OTUD7A: variants seen among roughly 807,000 people sequenced by gnomAD.
The protein encoded by OTUD7A is OTU domain-containing protein 7A.
In OTUD7A, 12 loss-of-function variants were observed where a neutral mutation model predicts 65.7. The observed-to-expected ratio is 0.18, with a 90% CI of 0.12 to 0.30. The LOEUF is 0.30. Among genes scored for constraint, OTUD7A ranks in the 10% least tolerant of loss-of-function variants. The pLI is 1.00. For synonymous variants in OTUD7A, 641 were observed against 586.3 expected, an observed-to-expected ratio of 1.09 and a Z score of -1.35; for missense variants, 1,148 against 1,304.8, an observed-to-expected ratio of 0.88 and a Z score of 1.85.
intron 1 of OTUD7A, among the ~76,000 whole-genome samples, chr15:31,727,457 A>C (rs1221407649): frequency 6.6e-6 from 1 of 152,196 alleles, no homozygotes; most frequent in Non-Finnish European, 1.5e-5. Flanking sequence ...TTTAGTATTC[A>C]ATAGGTATTT....
chr15:31,646,879 T>A (rs540218248), intron 3 of OTUD7A, among the ~76,000 whole-genome samples: 39 of 152,284 alleles, frequency 2.6e-4, no homozygotes, highest in Non-Finnish European at 5.0e-4. Flanking sequence ...AAGATCTACT[T>A]AATTGATCAG....
intron 10 of OTUD7A, among the ~76,000 whole-genome samples, chr15:31,488,825 C>A (rs2041277067): frequency 6.6e-6 from 1 of 152,244 alleles, no homozygotes; most frequent in African/African-American, 2.4e-5. Context: ...CCCCGCACCT[C>A]TTCTTCTCCA....
intron 1 of OTUD7A, among the ~76,000 whole-genome samples, chr15:31,790,474 T>C (rs1331675783): frequency 1.3e-5 from 2 of 152,090 alleles, no homozygotes; most frequent in African/African-American, 4.8e-5. Flanking sequence ...AATTGCTTTA[T>C]CAAGAGACAG....
At chr15:31,703,409 CA>C in intron 1 of OTUD7A, among the ~76,000 whole-genome samples, 1 of 151,130 alleles carries the variant, frequency 6.6e-6, no homozygotes, top group South Asian at 2.1e-4. Context: ...AGAAAATTGG[CA>C]AAAAAACCAC....
intron 1 of OTUD7A, among the ~76,000 whole-genome samples, chr15:31,826,042 T>C (rs12443151): frequency 0.94 from 142,498 of 152,260 alleles, 67,405 homozygotes; most frequent in East Asian, 1. Flanking sequence ...GTGTCTGTGG[T>C]TTCTCCAGGC....
At chr15:31,610,777 A>AG (rs1890394324) in intron 3 of OTUD7A, among the ~76,000 whole-genome samples, 1 of 151,076 alleles carries the variant, frequency 6.6e-6, no homozygotes, top group Admixed American at 6.6e-5. Flanking sequence ...GCCCGCCACC[A>AG]CGCCTGGCTA....
chr15:31,855,883 T>C (rs1050086416), intron 1 of OTUD7A, among the ~76,000 whole-genome samples: 2 of 152,214 alleles, frequency 1.3e-5, no homozygotes, highest in Admixed American at 6.5e-5. Flanking sequence ...ATGGAGGCTA[T>C]AGTTGCTCCC....
At chr15:31,848,531 A>T (rs1033956524) in intron 1 of OTUD7A, among the ~76,000 whole-genome samples, 1 of 152,106 alleles carries the variant, frequency 6.6e-6, no homozygotes, top group African/African-American at 2.4e-5. Flanking sequence ...GCTCCAGAAC[A>T]TCCCAGCCAT....
chr15:31,825,979 G>C (rs1055956322), intron 1 of OTUD7A, among the ~76,000 whole-genome samples: 8 of 152,224 alleles, frequency 5.3e-5, no homozygotes, highest in African/African-American at 1.9e-4. Context: ...CTCCGCCCCT[G>C]TGGCTTTGCA....
intron 1 of OTUD7A, among the ~76,000 whole-genome samples, chr15:31,828,428 G>C: frequency 6.6e-6 from 1 of 152,134 alleles, no homozygotes; most frequent in South Asian, 2.1e-4. Context: ...ATTAGCATAC[G>C]CATCAAACAT....
chr15:31,603,205 A>G (rs1040503614), intron 3 of OTUD7A, among the ~76,000 whole-genome samples: 17 of 152,218 alleles, frequency 1.1e-4, no homozygotes, highest in African/African-American at 4.1e-4. Context: ...CTACAAGGCT[A>G]CAATAACCAA....
At chr15:31,642,935 CTTT>C (rs564017250) in intron 3 of OTUD7A, among the ~76,000 whole-genome samples, 1 of 150,796 alleles carries the variant, frequency 6.6e-6, no homozygotes, top group African/African-American at 2.4e-5. Context: ...TTAATTTGCT[CTTT>C]TTTTTTCTAG....
At chr15:31,694,369 C>T (rs1234241159) in intron 1 of OTUD7A, among the ~76,000 whole-genome samples, 3 of 152,202 alleles carry the variant, frequency 2.0e-5, no homozygotes, top group Admixed American at 6.5e-5. Context: ...CCTGTCATAA[C>T]ACCCCTCCAC....
intron 8 of OTUD7A, among the ~76,000 whole-genome samples, chr15:31,519,423 G>T (rs531701517): frequency 5.3e-5 from 8 of 152,240 alleles, no homozygotes; most frequent in Admixed American, 1.3e-4. Context: ...TTTTGTCAAG[G>T]ATTTCTGCAT....
chr15:31,675,194 C>T (rs34127111), intron 1 of OTUD7A, among the ~76,000 whole-genome samples: 2 of 151,968 alleles, frequency 1.3e-5, no homozygotes, highest in Non-Finnish European at 2.9e-5. Flanking sequence ...CAGAAAAAGA[C>T]ATAAAGAGAC....
chr15:31,574,013 T>C (rs1317662113), intron 3 of OTUD7A, among the ~76,000 whole-genome samples: 3 of 152,062 alleles, frequency 2.0e-5, no homozygotes, highest in African/African-American at 7.2e-5. Context: ...AGATATACTA[T>C]TGGTTAAATT....
At chr15:31,846,153 G>A (rs999314319) in intron 1 of OTUD7A, among the ~76,000 whole-genome samples, 2 of 152,172 alleles carry the variant, frequency 1.3e-5, no homozygotes, top group South Asian at 4.1e-4. Context: ...CTGGGACTCT[G>A]CTCTTATTTC....
At chr15:31,825,998 C>G (rs1896788920) in intron 1 of OTUD7A, among the ~76,000 whole-genome samples, 1 of 152,174 alleles carries the variant, frequency 6.6e-6, no homozygotes, top group Admixed American at 6.5e-5. Flanking sequence ...CAGGGTACAG[C>G]CTCCCTCCCA....
chr15:31,807,005 T>C (rs1478212053), intron 1 of OTUD7A, among the ~76,000 whole-genome samples: 1 of 152,198 alleles, frequency 6.6e-6, no homozygotes, highest in African/African-American at 2.4e-5. Context: ...CTTGGCCACA[T>C]GTGCCACTCT....
Sources: allele counts gnomAD v4.1 joint callset (sites outside exome capture counted in the v4.1 genomes callset), GRCh38; gene constraint gnomAD v4.1.1; transcripts MANE v1.5; gene names NCBI Gene and HGNC (gene_info 2026-07-23, HGNC 2026-07-21).